The following APC variants were observed in gnomAD, a reference collection of about 807,000 sequenced individuals.
The protein encoded by APC is adenomatous polyposis coli protein.
A neutral mutation model predicts 247.0 loss-of-function variants in APC; 72 were observed. That is an observed-to-expected ratio of 0.29 (90% CI 0.24 to 0.35). The LOEUF (loss-of-function observed/expected upper bound fraction) is 0.35. Among genes scored for constraint, APC ranks in the 10% least tolerant of loss-of-function variants. The pLI is 1.00. For missense variants in APC, 3,400 were observed against 3,360.7 expected (o/e 1.01, Z -0.29); for synonymous variants, 1,254 against 1,162.5 (o/e 1.08, Z -1.60).
chr5:112,748,433 C>A (rs1753919023), intron 1 of APC, among the ~76,000 whole-genome samples: 1 of 152,052 alleles, frequency 6.6e-6, no homozygotes. Flanking sequence ...TATTTTGTTT[C>A]TTTCCAATGA....
At chr5:112,719,827 G>T (rs114917001) in intron 1 of APC, among the ~76,000 whole-genome samples, 1 of 152,192 alleles carries the variant, frequency 6.6e-6, no homozygotes, top group South Asian at 2.1e-4. Context: ...ACAGTTGTGC[G>T]CCACTGCGCC....
chr5:112,713,711 AGGCTGGAGTGCAGT>A (rs758266016), intron 1 of APC, among the ~76,000 whole-genome samples: 17 of 152,224 alleles, frequency 1.1e-4, no homozygotes, highest in Non-Finnish European at 1.9e-4. Flanking sequence ...TCAGTCACTC[AGGCTGGAGTGCAGT>A]GGCTTGATCT....
At position 112,841,605 on chromosome 5, in the gene APC, C is replaced by T. The variant is rs1354338472; in HGVS notation, c.6011C>T (p.Ala2004Val). ...DSQGEPSKPQ[A>V]SGYAPKSFHV... ...CAGGGAGAACCAAGTAAACCTCAAG[C>T]ATCAGGCTATGCTCCTAAATCATTT... Residue 2004 changes from alanine (A) to valine (V), a missense_variant, in exon 16 of 16, where the codon GCA (alanine) becomes GTA (valine). By Grantham distance (64) the Ala-to-Val change is moderately conservative. This residue lies in a region of APC where 1,788 missense variants were observed against 1,649.5 expected (regional missense o/e 1.08). Coordinates refer to ENST00000257430, the MANE Select transcript of APC (RefSeq NM_000038.6). The surrounding 1 kb of genome is among the most constrained non-coding windows in gnomAD (Gnocchi z 4.6). The T allele has an allele frequency of 7.4e-6, 12 of 1,613,414 alleles. No individual in the cohort carries two copies. In the South Asian group the frequency reaches 1.1e-4, roughly 15 times the overall value.
At chr5:112,763,921 C>G (rs1025864477) in intron 2 of APC, among the ~76,000 whole-genome samples, 5 of 152,128 alleles carry the variant, frequency 3.3e-5, no homozygotes, top group African/African-American at 1.2e-4. Flanking sequence ...CTACTGTAGG[C>G]TTTGGAGAAG....
intron 2 of APC, among the ~76,000 whole-genome samples, chr5:112,760,766 C>A (rs1045012978): frequency 1.3e-5 from 2 of 151,764 alleles, no homozygotes; most frequent in Admixed American, 6.6e-5. Context: ...CTGGGAAAAC[C>A]AAACCAGTTA....
chr5:112,747,844 A>G (rs73216300), intron 1 of APC, among the ~76,000 whole-genome samples: 3,768 of 152,264 alleles, frequency 0.025, 169 homozygotes, highest in African/African-American at 0.087. Flanking sequence ...TACTAATTTT[A>G]GTATTAGGAA....
chr5:112,749,479 A>ATTTTTTT lies in APC; in HGVS notation c.-18-5377_-18-5371dup, dbSNP rs536428390. 1.9e-3 allele frequency among the ~76,000 whole-genome samples: 201 copies of ATTTTTTT among 103,958 alleles called. 1 individual carries two copies. The highest frequency in any genetic ancestry group is 3.3e-3 in the East Asian group (11 of 3,312). The allele number at this position is 103,958 out of a possible 152,430, so 68.2% of individuals were successfully genotyped here. A position where few individuals can be genotyped will look rare whatever the true frequency, so the allele number is the denominator to read the frequency against. On this transcript the variant is annotated intron_variant, in intron 1 of 15. Coordinates refer to ENST00000257430, the MANE Select transcript of APC (RefSeq NM_000038.6). ...AAAGATATTAATACTTACTGCTCCA[A>ATTTTTTT]TTTTTTTTTTTTTTTTTTTTTTTGA...
At chr5:112,754,212 C>A (rs577369721) in intron 1 of APC, among the ~76,000 whole-genome samples, 1 of 152,112 alleles carries the variant, frequency 6.6e-6, no homozygotes, top group Middle Eastern at 3.2e-3. Flanking sequence ...TTATAGTCAA[C>A]CTTTTGAATA....
At chr5:112,827,075 A>G (rs760498551) in intron 11 of APC, 33 bp from the exon 12 acceptor site, 1 of 1,611,094 alleles carries the variant, frequency 6.2e-7, no homozygotes, top group Non-Finnish European at 8.5e-7. Context: ...ATTTTAGATG[A>G]TTGTCTTTTT....
At chr5:112,770,735 T>C (rs1372634473) in intron 4 of APC, among the ~76,000 whole-genome samples, 1 of 152,142 alleles carries the variant, frequency 6.6e-6, no homozygotes, top group Non-Finnish European at 1.5e-5. Context: ...ATTGCTAGTA[T>C]TGGACATGAC....
intron 14 of APC, among the ~76,000 whole-genome samples, chr5:112,830,207 A>C (rs1764160937): frequency 6.6e-6 from 1 of 152,240 alleles, no homozygotes; most frequent in Non-Finnish European, 1.5e-5. Flanking sequence ...TTATAAAGAT[A>C]ATATTCAAAT....
At chr5:112,728,011 A>G (rs1246104868) in intron 1 of APC, among the ~76,000 whole-genome samples, 3 of 152,178 alleles carry the variant, frequency 2.0e-5, no homozygotes, top group Admixed American at 1.3e-4. Flanking sequence ...GAGCATGTCC[A>G]ACCCACAGCT....
At chr5:112,747,120 CACCTGG>C (rs1753772474) in intron 1 of APC, among the ~76,000 whole-genome samples, 1 of 152,182 alleles carries the variant, frequency 6.6e-6, no homozygotes, top group Admixed American at 6.5e-5. Flanking sequence ...TGAGCCACCA[CACCTGG>C]CCATTAGCAG....
intron 9 of APC, among the ~76,000 whole-genome samples, chr5:112,817,622 G>T (rs149241763): frequency 1.3e-5 from 2 of 152,264 alleles, no homozygotes; most frequent in Admixed American, 1.3e-4. Context: ...GAGTAATATT[G>T]TGTGAAAACT....
intron 2 of APC, 126 bp downstream of exon 2, chr5:112,755,151 T>C: frequency 1.5e-6 from 2 of 1,358,352 alleles, no homozygotes; most frequent in Non-Finnish European, 2.0e-6. Context: ...GTAAACTCTT[T>C]CTTGCAAAAG....
At chr5:112,785,414 G>A (rs1023837403) in intron 6 of APC, among the ~76,000 whole-genome samples, 1 of 152,128 alleles carries the variant, frequency 6.6e-6, no homozygotes, top group South Asian at 2.1e-4. Context: ...CCTGTTCACA[G>A]TAACAGGAAA....
chr5:112,840,862 T>G lies in APC; in HGVS notation c.5268T>G (p.Ser1756=), dbSNP rs866006. The G allele has an allele frequency of 0.63, 1,011,229 of 1,613,728 alleles. 319,793 individuals are homozygous for G. Among genetic ancestry groups the G allele is most frequent in the East Asian group, 0.84 (37,608 of 44,882 alleles). Residue 1756 remains serine, a synonymous_variant, in exon 16 of 16, where the codon TCT becomes TCG. Transcript: ENST00000257430. This position sits in a 1 kb window ranked among gnomAD's most constrained non-coding sequence, Gnocchi z 4.1. The stretch of plus-strand genomic sequence containing the variant: ...ACCAGGTCCAGCAAGCATCTGCGTC[T>G]TCTTCTGCACCCAACAAAAATCAGT... The part of the protein sequence containing the change: ...IMDQVQQASA[S]SSAPNKNQLD...
rs908764017 is a variant in APC at position 112,840,478 on chromosome 5, G to A, written c.4884G>A (p.Lys1628=). ...CACAAAACAGGTTGCAACCCCAAAA[G>A]CATGTTAGTTTTACACCGGGGGATG... is the stretch of plus-strand genomic sequence containing the variant. The part of the protein sequence containing the change: ...LPSQNRLQPQ[K]HVSFTPGDDM... Residue 1628 remains lysine, a synonymous_variant, in exon 16 of 16, where the codon AAG becomes AAA. Transcript: ENST00000257430. This position sits in a 1 kb window ranked among gnomAD's most constrained non-coding sequence, Gnocchi z 4.1. 2 of 1,614,156 alleles carry A rather than the reference G, an allele frequency of 1.2e-6. No homozygotes were observed. The highest frequency in any genetic ancestry group is 1.7e-6 in the Non-Finnish European group (2 of 1,180,008).
At chr5:112,737,880 G>T (rs1752504674), upstream of APC, 5 of 985,506 alleles carry the variant, frequency 5.1e-6, no homozygotes, top group Non-Finnish European at 6.0e-6. Context: ...GCCCGCCAGG[G>T]TGTCACTGGA....
Sources: gnomAD v4.1 joint callset for allele counts (sites outside exome capture counted in the v4.1 genomes callset) on GRCh38, gnomAD v4.1.1 for gene constraint, gnomAD v4.1.1 regional missense constraint, Gnocchi (gnomAD v3.1) non-coding constraint, MANE v1.5 for transcripts, NCBI Gene and HGNC (gene_info 2026-07-23, HGNC 2026-07-21) for gene names.